The following CTNNAL1 variants were observed in gnomAD, a reference collection of about 807,000 sequenced individuals.
CTNNAL1 encodes catenin alpha like 1, also known as alpha-catulin.
Under a neutral mutation model 93.6 loss-of-function variants are expected in CTNNAL1, and 69 were observed. The ratio of observed to expected loss-of-function variants is 0.74; its 90% CI spans 0.61 to 0.90. CTNNAL1 has a LOEUF of 0.90. Among genes scored for constraint, CTNNAL1 ranks in the 40% least tolerant of loss-of-function variants. The pLI is 0.00. For missense variants in CTNNAL1, 836 were observed against 862.0 expected (o/e 0.97, Z 0.38); for synonymous variants, 286 against 305.4 (o/e 0.94, Z 0.66).
chr9:108,949,885 G>A (rs566672020), intron 14 of CTNNAL1, among the ~76,000 whole-genome samples: 8 of 151,292 alleles, frequency 5.3e-5, no homozygotes, highest in South Asian at 2.1e-4. Flanking sequence ...TTAGCCAGGC[G>A]TCATGATGTG....
At chr9:108,997,971 C>G (rs1460911198) in intron 2 of CTNNAL1, among the ~76,000 whole-genome samples, 1 of 152,214 alleles carries the variant, frequency 6.6e-6, no homozygotes, top group East Asian at 1.9e-4. Flanking sequence ...GAGAACATGT[C>G]ACTGCCCAGC....
At chr9:108,967,242 T>A (rs1223893228) in intron 10 of CTNNAL1, among the ~76,000 whole-genome samples, 3 of 152,264 alleles carry the variant, frequency 2.0e-5, no homozygotes, top group Middle Eastern at 6.8e-3. Flanking sequence ...TAGTGGAGAT[T>A]TGGAACTATA....
chr9:109,001,723 A>C (rs566283946), intron 1 of CTNNAL1, among the ~76,000 whole-genome samples: 1 of 152,330 alleles, frequency 6.6e-6, no homozygotes, highest in Admixed American at 6.5e-5. Context: ...ACTTGAGAGC[A>C]GATTCTCCAG....
At chr9:109,012,474 G>A (rs1004785967) in intron 1 of CTNNAL1, among the ~76,000 whole-genome samples, 1 of 152,218 alleles carries the variant, frequency 6.6e-6, no homozygotes, top group Non-Finnish European at 1.5e-5. Context: ...TCCCCACAGT[G>A]CTTGGCATCT....
At chr9:108,983,440 C>T in intron 5 of CTNNAL1, 125 bp from the exon 6 acceptor site, 1 of 1,088,640 alleles carries the variant, frequency 9.2e-7, no homozygotes, top group Non-Finnish European at 1.2e-6. Context: ...GTCCCTGGCT[C>T]ACTCAGCTGC....
chr9:108,968,704 A>G (rs1448439672), intron 10 of CTNNAL1, among the ~76,000 whole-genome samples: 1 of 152,198 alleles, frequency 6.6e-6, no homozygotes, highest in African/African-American at 2.4e-5. Context: ...TGTTCTCTAC[A>G]GGAGAGCATG....
At chr9:109,009,165 G>C (rs1413279989) in intron 1 of CTNNAL1, among the ~76,000 whole-genome samples, 1 of 151,812 alleles carries the variant, frequency 6.6e-6, no homozygotes, top group Admixed American at 6.6e-5. Context: ...CAAAGAGCTG[G>C]GACTACAGGT....
At position 108,942,643 on chromosome 9, in the gene CTNNAL1, G is replaced by C; in HGVS notation, c.*126C>G. ...CAATCAGTTTCATGATCAGAAAATA[G>C]AGCAAAATTTCAATATTGTTTTCTT... On this transcript the variant is annotated 3_prime_UTR_variant, in exon 19 of 19. Coordinates refer to ENST00000325551, the MANE Select transcript of CTNNAL1 (RefSeq NM_003798.4). 1.4e-6 allele frequency: 1 copy of C among 691,834 alleles called. No homozygotes were observed. Among genetic ancestry groups the C allele is most frequent in the East Asian group, 2.7e-5 (1 of 36,654 alleles). 42.9% of individuals were successfully genotyped at this position (691,834 alleles called of 1,614,324 possible). A position where few individuals can be genotyped will look rare whatever the true frequency, so the allele number is the denominator to read the frequency against.
intron 6 of CTNNAL1, among the ~76,000 whole-genome samples, chr9:108,982,762 T>A (rs113550030): frequency 6.6e-6 from 1 of 152,224 alleles, no homozygotes; most frequent in Non-Finnish European, 1.5e-5. Flanking sequence ...ATGGATACTA[T>A]ACATAATGAT....
rs367563208 is a variant in CTNNAL1 at position 108,980,676 on chromosome 9, G to A, written c.901-1195C>T. The stretch of plus-strand genomic sequence containing the variant: ...AGGAAAGAATACAGATAATAGTAAG[G>A]TATGGAATTTACAATGGGGATCTTC... On this transcript the variant is annotated intron_variant, in intron 6 of 18. Transcript: ENST00000325551. Among the ~76,000 whole-genome samples the A allele has an allele frequency of 6.6e-5, 10 of 152,100 alleles. No individual in the cohort carries two copies. In the East Asian group the frequency reaches 9.7e-4, roughly 15 times the overall value.
Position 108,966,724 on chromosome 9 carries a change from A to G in CTNNAL1, c.1441-1196T>C, listed in dbSNP as rs1205845547. On this transcript the variant is annotated intron_variant, in intron 10 of 18. Coordinates refer to ENST00000325551, the MANE Select transcript of CTNNAL1 (RefSeq NM_003798.4). ...TTATTTAGTGTTAGCTACTACATGA[A>G]TGAATTAATGAATAACTAACATTTT... Among the ~76,000 whole-genome samples, 3 of 19,532 alleles carry G rather than the reference A, an allele frequency of 1.5e-4. No homozygotes were observed. The Admixed American group carries it at 2.2e-3, about 14-fold the overall frequency. 12.8% of individuals were successfully genotyped at this position (19,532 alleles called of 152,430 possible).
At chr9:108,968,481 G>A (rs1426896655) in intron 10 of CTNNAL1, among the ~76,000 whole-genome samples, 1 of 152,218 alleles carries the variant, frequency 6.6e-6, no homozygotes, top group East Asian at 1.9e-4. Flanking sequence ...GAGGATAGGA[G>A]CAACAACTGA....
At chr9:108,981,487 A>AC (rs1194131821) in intron 6 of CTNNAL1, among the ~76,000 whole-genome samples, 53 of 134,398 alleles carry the variant, frequency 3.9e-4, no homozygotes, top group Middle Eastern at 3.5e-3. Context: ...CAAAAAACAA[A>AC]AAAAAAAAAA....
rs565603781 is a variant in CTNNAL1, at chr9:108,989,980, G to A, written c.639+746C>T. On this transcript the variant is annotated intron_variant, in intron 4 of 18. Coordinates refer to ENST00000325551, the MANE Select transcript of CTNNAL1 (RefSeq NM_003798.4). ...GCATGAGAATCACTTGAACCCAGGAGGTGGAGGTTGCAGTGAGCCGTGATC... is the reference window on the plus strand; with the variant it reads ...GCATGAGAATCACTTGAACCCAGGAAGTGGAGGTTGCAGTGAGCCGTGATC... Among the ~76,000 whole-genome samples the A allele has an allele frequency of 2.0e-5, 3 of 152,316 alleles. No homozygotes were observed. The South Asian group carries it at 6.2e-4, about 32-fold the overall frequency.
chr9:108,966,838 C>T (rs562344475), intron 10 of CTNNAL1, among the ~76,000 whole-genome samples: 1 of 152,226 alleles, frequency 6.6e-6, no homozygotes, highest in South Asian at 2.1e-4. Flanking sequence ...TGGGTTGAGT[C>T]TTCACACACC....
At chr9:108,958,063 C>CAAAAAA (rs11291554) in intron 11 of CTNNAL1, among the ~76,000 whole-genome samples, 96 of 85,090 alleles carry the variant, frequency 1.1e-3, no homozygotes, top group African/African-American at 4.0e-3. Flanking sequence ...AAGACTGTCT[C>CAAAAAA]AAAAAAAAAA....
In CTNNAL1 at chr9:108,999,101, T is replaced by G. The variant is rs1482869371; in HGVS notation, c.297A>C (p.Glu99Asp). 6.2e-7 allele frequency: 1 copy of G among 1,610,530 alleles called. No individual in the cohort carries two copies. The highest frequency in any genetic ancestry group is 1.7e-5 in the Admixed American group (1 of 59,260). The change falls in exon 2 of 19, where the codon GAA becomes GAC. Residue 99 changes from glutamate (E) to aspartate (D), a missense_variant. By Grantham distance (45) the Glu-to-Asp change is conservative. Transcript: ENST00000325551. The stretch of plus-strand genomic sequence containing the variant: ...TAGCTTCAATACAAGCAATATTTAT[T>G]TCTTCTTTCAAATCCCAGTTTTCAT... ...IANENWDLKEEINIACIEAKQ... is the reference protein window; with the variant it reads ...IANENWDLKEDINIACIEAKQ...
At chr9:108,972,868 G>GGGGGGGGCCCCCCCCCCGGGC in intron 8 of CTNNAL1, 35 bp from the exon 9 acceptor site, 1 of 1,092,792 alleles carries the variant, frequency 9.2e-7, no homozygotes, top group African/African-American at 1.7e-5. Context: ...GGGTGGGAGG[G>GGGGGGGGCCCCCCCCCCGGGC]TGGAGAAGGA....
Position 108,942,796 on chromosome 9 carries a change from A to G in CTNNAL1, c.2178T>C (p.Asn726=), listed in dbSNP as rs766660444. ...AAGTTTTACTATCCATAGTGTCCTT[A>G]TTTGTAACTGAGACCCATCCGTTAT... ...MENNGWVSVT[N]KDTMDSKT Residue 726 remains asparagine (N), a synonymous_variant, in exon 19 of 19, where the codon AAT becomes AAC. Transcript: ENST00000325551. 1.2e-6 allele frequency: 2 copies of G among 1,613,266 alleles called. No individual in the cohort carries two copies. Among genetic ancestry groups the G allele is most frequent in the South Asian group, 2.2e-5 (2 of 91,046 alleles).
Sources: allele counts gnomAD v4.1 joint callset (sites outside exome capture counted in the v4.1 genomes callset), GRCh38; gene constraint gnomAD v4.1.1; transcripts MANE v1.5; gene names NCBI Gene and HGNC (gene_info 2026-07-23, HGNC 2026-07-21).